Variants in ITPRID1 observed in about 807,000 individuals in gnomAD.
ITPRID1 encodes the protein protein ITPRID1.
ITPRID1 carries 96 observed loss-of-function variants against 95.4 expected under a neutral mutation model. The ratio of observed to expected loss-of-function variants is 1.01; its 90% CI spans 0.85 to 1.19. The LOEUF is 1.19. Among genes scored for constraint, ITPRID1 ranks in the 50% most tolerant of loss-of-function variants. The probability of loss-of-function intolerance (pLI) is 0.00; values close to 1 mark genes in which losing one functional copy is unlikely to be tolerated. For missense variants in ITPRID1, 1,339 were observed against 1,252.9 expected, an observed-to-expected ratio of 1.07 and a Z score of -1.04; for synonymous variants, 510 against 453.6, an observed-to-expected ratio of 1.12 and a Z score of -1.58.
intron 10 of ITPRID1, among the ~76,000 whole-genome samples, chr7:31,636,220 T>A (rs1562639933): frequency 6.6e-6 from 1 of 152,092 alleles, no homozygotes; most frequent in Non-Finnish European, 1.5e-5. Context: ...GGAACTACAA[T>A]TCAAGATGAA....
chr7:31,519,645 T>TATATATATATATATA (rs1332451516), intron 1 of ITPRID1, among the ~76,000 whole-genome samples: 1 of 115,118 alleles, frequency 8.7e-6, no homozygotes, highest in East Asian at 2.8e-4. Flanking sequence ...TATATATATA[T>TATATATATATATATA]AAATCTTATG....
At chr7:31,596,819 G>C (rs1212738114) in intron 10 of ITPRID1, among the ~76,000 whole-genome samples, 1 of 151,552 alleles carries the variant, frequency 6.6e-6, no homozygotes. Flanking sequence ...TAGCAATTAA[G>C]CTGATTAGTT....
At chr7:31,532,797 G>A (rs1783640508) in intron 1 of ITPRID1, among the ~76,000 whole-genome samples, 1 of 152,144 alleles carries the variant, frequency 6.6e-6, no homozygotes. Context: ...TCACAGAAAT[G>A]TACTAGTTGT....
At chr7:31,622,813 C>T (rs1237916934) in intron 10 of ITPRID1, among the ~76,000 whole-genome samples, 2 of 152,046 alleles carry the variant, frequency 1.3e-5, no homozygotes, top group Non-Finnish European at 2.9e-5. Flanking sequence ...ATTAATGAAT[C>T]CAGGAGCTGG....
chr7:31,532,633 T>C (rs1429428188), intron 1 of ITPRID1, among the ~76,000 whole-genome samples: 2 of 152,208 alleles, frequency 1.3e-5, no homozygotes, highest in African/African-American at 4.8e-5. Flanking sequence ...TATTCTGTTT[T>C]TATGATGAAT....
intron 10 of ITPRID1, among the ~76,000 whole-genome samples, chr7:31,627,591 A>T (rs1199078760): frequency 2.0e-5 from 3 of 147,246 alleles, no homozygotes; most frequent in African/African-American, 5.0e-5. Flanking sequence ...CCAGGAGGTC[A>T]TGGCTACGCA....
intron 11 of ITPRID1, 40 bp from the exon 12 acceptor site, chr7:31,642,642 C>T (rs1288072398): frequency 6.3e-7 from 1 of 1,579,156 alleles, no homozygotes; most frequent in Admixed American, 1.7e-5. Context: ...GCCTCCTCCA[C>T]TTCCTGACCT....
intron 10 of ITPRID1, among the ~76,000 whole-genome samples, chr7:31,593,616 T>C (rs772727955): frequency 1.3e-5 from 2 of 152,196 alleles, no homozygotes; most frequent in Non-Finnish European, 2.9e-5. Context: ...CACTGTTGGT[T>C]GGAATTTAAA....
intron 8 of ITPRID1, among the ~76,000 whole-genome samples, chr7:31,575,399 G>T (rs1785144962): frequency 6.6e-6 from 1 of 152,158 alleles, no homozygotes; most frequent in African/African-American, 2.4e-5. Context: ...AGCTAATCAG[G>T]CATGTTGCTG....
intron 1 of ITPRID1, among the ~76,000 whole-genome samples, chr7:31,548,482 A>G (rs1457236879): frequency 6.6e-6 from 1 of 152,128 alleles, no homozygotes; most frequent in Non-Finnish European, 1.5e-5. Flanking sequence ...AGCTTGAGGA[A>G]CCATATCCCA....
intron 12 of ITPRID1, among the ~76,000 whole-genome samples, chr7:31,649,381 A>C (rs1193507137): frequency 6.6e-6 from 1 of 152,158 alleles, no homozygotes; most frequent in Admixed American, 6.5e-5. Context: ...GAGGAAGAAG[A>C]GAAGCTTCAA....
At chr7:31,605,430 C>G (rs934544683) in intron 10 of ITPRID1, among the ~76,000 whole-genome samples, 5 of 152,160 alleles carry the variant, frequency 3.3e-5, no homozygotes, top group Admixed American at 3.3e-4. Flanking sequence ...AGGCCATTCA[C>G]TAAGGAGTTT....
At chr7:31,626,623 GT>G (rs1440977498) in intron 10 of ITPRID1, among the ~76,000 whole-genome samples, 36 of 152,304 alleles carry the variant, frequency 2.4e-4, no homozygotes, top group African/African-American at 8.4e-4. Flanking sequence ...AATCAAAACA[GT>G]TTTTGACATG....
At chr7:31,652,080 A>G (rs1457438236) in intron 14 of ITPRID1, 30 bp downstream of exon 14, 14 of 1,476,458 alleles carry the variant, frequency 9.5e-6, no homozygotes, top group African/African-American at 1.4e-5. Flanking sequence ...GAGTTTGACT[A>G]TATCCAGCCT....
chr7:31,586,626 T>C (rs12334127), intron 10 of ITPRID1, among the ~76,000 whole-genome samples: 4 of 152,068 alleles, frequency 2.6e-5, no homozygotes, highest in South Asian at 2.1e-4. Context: ...TTTTTGGCTG[T>C]ATAAATGTCT....
intron 1 of ITPRID1, among the ~76,000 whole-genome samples, chr7:31,530,883 T>C (rs531692589): frequency 6.6e-6 from 1 of 152,224 alleles, no homozygotes; most frequent in Non-Finnish European, 1.5e-5. Context: ...CGATAATATA[T>C]AGGATCTATA....
At chr7:31,554,775 T>C (rs1479156915) in intron 4 of ITPRID1, 83 bp from the exon 5 acceptor site, 1 of 1,210,858 alleles carries the variant, frequency 8.3e-7, no homozygotes, top group Non-Finnish European at 1.2e-6. Context: ...CTGCATTTGC[T>C]CTCACCTGTT....
intron 9 of ITPRID1, among the ~76,000 whole-genome samples, chr7:31,580,061 T>C (rs901716169): frequency 6.6e-5 from 10 of 152,060 alleles, no homozygotes; most frequent in African/African-American, 2.4e-4. Context: ...CACTTTGGGA[T>C]GCTGAGGCAG....
chr7:31,551,923 T>C (rs1188251800), intron 2 of ITPRID1: 1 of 420,286 alleles, frequency 2.4e-6, no homozygotes, highest in East Asian at 8.2e-5. Context: ...TGGAAGTAAT[T>C]GCATCAGAAA....
Sources: allele counts gnomAD v4.1 joint callset (sites outside exome capture counted in the v4.1 genomes callset), GRCh38; gene constraint gnomAD v4.1.1; transcripts MANE v1.5; gene names NCBI Gene and HGNC (gene_info 2026-07-23, HGNC 2026-07-21).